NR6A1: variants seen among roughly 807,000 people sequenced by gnomAD.
NR6A1 encodes the protein retinoic acid receptor-related testis-associated receptor.
In NR6A1, 7 loss-of-function variants were observed where a neutral mutation model predicts 59.1. The ratio of observed to expected loss-of-function variants is 0.12; its 90% CI spans 0.07 to 0.22. The LOEUF (loss-of-function observed/expected upper bound fraction) is 0.22. Ranked by LOEUF, NR6A1 falls within the 10% of genes least tolerant of loss-of-function variation. The pLI is 1.00. For synonymous variants in NR6A1, 243 were observed against 236.1 expected, an observed-to-expected ratio of 1.03 and a Z score of -0.27; for missense variants, 468 against 611.6, an observed-to-expected ratio of 0.77 and a Z score of 2.48.
intron 2 of NR6A1, among the ~76,000 whole-genome samples, chr9:124,670,857 T>C (rs904609523): frequency 5.3e-5 from 8 of 152,108 alleles, no homozygotes; most frequent in Non-Finnish European, 7.4e-5. Flanking sequence ...TAGATAAGAA[T>C]TGGGAAGACT....
intron 2 of NR6A1, among the ~76,000 whole-genome samples, chr9:124,718,076 A>T (rs1366911766): frequency 1.3e-5 from 2 of 152,238 alleles, no homozygotes; most frequent in Non-Finnish European, 2.9e-5. Context: ...AAGAATTACT[A>T]CTGTTTCAAA....
At chr9:124,566,572 T>G (rs572761960) in intron 2 of NR6A1, among the ~76,000 whole-genome samples, 35 of 152,190 alleles carry the variant, frequency 2.3e-4, no homozygotes, top group African/African-American at 8.4e-4. Flanking sequence ...GAAAACTGAT[T>G]TGGAATAGAC....
chr9:124,675,661 T>C (rs1837932286), intron 2 of NR6A1, among the ~76,000 whole-genome samples: 1 of 152,180 alleles, frequency 6.6e-6, no homozygotes, highest in Non-Finnish European at 1.5e-5. Flanking sequence ...AGAAGCCACT[T>C]CCCATGTGGC....
chr9:124,741,944 A>G (rs1840183631), intron 1 of NR6A1, among the ~76,000 whole-genome samples: 2 of 152,204 alleles, frequency 1.3e-5, no homozygotes, highest in Non-Finnish European at 2.9e-5. Flanking sequence ...TGGAGCCAGG[A>G]GCACAGAGAG....
At chr9:124,637,892 CAAAAAAAAAAAAA>C (rs796714741) in intron 2 of NR6A1, among the ~76,000 whole-genome samples, 1 of 78,982 alleles carries the variant, frequency 1.3e-5, no homozygotes, top group African/African-American at 4.3e-5. Flanking sequence ...ACTCCCTCTC[CAAAAAAAAAAAAA>C]AAAAAAAGAA....
intron 2 of NR6A1, chr9:124,599,585 G>T: frequency 8.8e-7 from 1 of 1,136,220 alleles, no homozygotes; most frequent in Non-Finnish European, 1.1e-6. Flanking sequence ...CGCCATGAGG[G>T]CGCGGCGGCG....
At chr9:124,583,411 T>A in intron 2 of NR6A1, among the ~76,000 whole-genome samples, 1 of 152,100 alleles carries the variant, frequency 6.6e-6, no homozygotes, top group Non-Finnish European at 1.5e-5. Flanking sequence ...TCTCCCTAAA[T>A]CCCAGGACAG....
chr9:124,770,688 G>A (rs1208803410), intron 1 of NR6A1, among the ~76,000 whole-genome samples: 1 of 131,082 alleles, frequency 7.6e-6, no homozygotes, highest in African/African-American at 2.9e-5. Context: ...GGGGGAGGAG[G>A]GAGGATTGGT....
At chr9:124,741,751 T>C (rs1840178477) in intron 1 of NR6A1, among the ~76,000 whole-genome samples, 1 of 152,226 alleles carries the variant, frequency 6.6e-6, no homozygotes, top group African/African-American at 2.4e-5. Context: ...AAATTTTTAT[T>C]TCAGAATAGG....
intron 2 of NR6A1, among the ~76,000 whole-genome samples, chr9:124,685,830 T>G (rs1020561725): frequency 2.6e-5 from 4 of 152,206 alleles, no homozygotes; most frequent in Admixed American, 1.3e-4. Context: ...AATGGAGAGA[T>G]AGGTCCAAAA....
In NR6A1 at chr9:124,531,740, A is replaced by T. The variant is rs532876859; in HGVS notation, c.1079+4138T>A. Among the ~76,000 whole-genome samples the T allele has an allele frequency of 7.9e-5, 12 of 152,272 alleles. No individual in the cohort carries two copies. The Middle Eastern group carries it at 0.017, about 216-fold the overall frequency. On this transcript the variant is annotated intron_variant, in intron 7 of 9. Coordinates refer to ENST00000487099, the MANE Select transcript of NR6A1 (RefSeq NM_033334.4). ...CTGCTCCTTCATCCTGGCTAAGAAA[A>T]TTGGTGCCCACCTGCCTGGCTAGTC...
Position 124,771,275 on chromosome 9 carries a change from C to T in NR6A1, c.-156G>A, listed in dbSNP as rs568742373. Reference sequence around the variant, plus strand: ...GGCCCCGAGCCGCCCGGCTCCGCGCCGCTCCGCGCCCCTCCGCGCCGCGCC... The same window carrying T: ...GGCCCCGAGCCGCCCGGCTCCGCGCTGCTCCGCGCCCCTCCGCGCCGCGCC... On this transcript the variant is annotated 5_prime_UTR_variant, in exon 1 of 10. Transcript: ENST00000487099. 48 of 401,262 alleles carry T rather than the reference C, an allele frequency of 1.2e-4. No individual in the cohort carries two copies. The highest frequency in any genetic ancestry group is 6.4e-4 in the Middle Eastern group (1 of 1,574). 24.9% of individuals were successfully genotyped at this position (401,262 alleles called of 1,614,324 possible). A position where few individuals can be genotyped will look rare whatever the true frequency, so the allele number is the denominator to read the frequency against.
At chr9:124,733,198 T>G in intron 2 of NR6A1, 110 bp downstream of exon 2, 17 of 777,748 alleles carry the variant, frequency 2.2e-5, no homozygotes, top group Non-Finnish European at 3.5e-5. Flanking sequence ...AAATAAAATC[T>G]GAGAGTCAAT....
At chr9:124,665,028 A>AAG (rs1837568299) in intron 2 of NR6A1, among the ~76,000 whole-genome samples, 1 of 150,048 alleles carries the variant, frequency 6.7e-6, no homozygotes, top group African/African-American at 2.4e-5. Flanking sequence ...AAAAAAAAAA[A>AAG]AAAAAAAAGG....
intron 4 of NR6A1, among the ~76,000 whole-genome samples, chr9:124,540,973 G>A (rs557061636): frequency 7.4e-4 from 113 of 151,712 alleles, no homozygotes; most frequent in Non-Finnish European, 1.8e-4. Flanking sequence ...GTTCACAGAA[G>A]TCAACCTCAA....
At position 124,633,776 on chromosome 9, in the gene NR6A1, G is replaced by A. The variant is rs148531243; in HGVS notation, c.143-79206C>T. ...TGCTAAATCCATTTTGATAGCTAGAGGAGGATTAAAGAAACTGCACGCATG... is the reference window on the plus strand; with the variant it reads ...TGCTAAATCCATTTTGATAGCTAGAAGAGGATTAAAGAAACTGCACGCATG... On this transcript the variant is annotated intron_variant, in intron 2 of 9. Coordinates refer to ENST00000487099, the MANE Select transcript of NR6A1 (RefSeq NM_033334.4). 1.4e-3 allele frequency among the ~76,000 whole-genome samples: 214 copies of A among 152,310 alleles called. 1 individual carries two copies. Among genetic ancestry groups the A allele is most frequent in the African/African-American group, 4.9e-3 (205 of 41,566 alleles).
intron 2 of NR6A1, among the ~76,000 whole-genome samples, chr9:124,575,937 G>T (rs964274271): frequency 1.3e-5 from 2 of 152,204 alleles, no homozygotes; most frequent in Non-Finnish European, 1.5e-5. Context: ...AAATAGGAAT[G>T]TATGAAGGAG....
At chr9:124,649,897 A>G (rs1413302772) in intron 2 of NR6A1, among the ~76,000 whole-genome samples, 2 of 152,178 alleles carry the variant, frequency 1.3e-5, no homozygotes, top group Non-Finnish European at 2.9e-5. Context: ...AAACTACAAG[A>G]TATTATCTCA....
At chr9:124,529,657 A>G (rs1166989820) in intron 7 of NR6A1, among the ~76,000 whole-genome samples, 1 of 152,148 alleles carries the variant, frequency 6.6e-6, no homozygotes, top group Non-Finnish European at 1.5e-5. Context: ...CTAACCACAT[A>G]CTACCACAGG....
Sources: gnomAD v4.1 joint callset for allele counts (sites outside exome capture counted in the v4.1 genomes callset) on GRCh38, gnomAD v4.1.1 for gene constraint, MANE v1.5 for transcripts, NCBI Gene and HGNC (gene_info 2026-07-23, HGNC 2026-07-21) for gene names.